The following RAPGEF4 variants were observed in gnomAD, a reference collection of about 807,000 sequenced individuals.
The protein encoded by RAPGEF4 is Rap guanine nucleotide exchange factor 4.
A neutral mutation model predicts 147.9 loss-of-function variants in RAPGEF4; 66 were observed. The observed-to-expected ratio is 0.45, with a 90% CI of 0.37 to 0.55. RAPGEF4 has a LOEUF of 0.55. Ranked by LOEUF, RAPGEF4 falls within the 20% of genes least tolerant of loss-of-function variation. RAPGEF4 has a pLI of 0.00. For synonymous variants in RAPGEF4, 419 were observed against 442.7 expected, an observed-to-expected ratio of 0.95 and a Z score of 0.67; for missense variants, 1,071 against 1,257.3, an observed-to-expected ratio of 0.85 and a Z score of 2.24.
chr2:172,971,098 A>G (rs201749354), intron 10 of RAPGEF4, among the ~76,000 whole-genome samples: 1 of 151,972 alleles, frequency 6.6e-6, no homozygotes, highest in African/African-American at 2.4e-5. Flanking sequence ...ACCAGTAGAA[A>G]TGTGCATTTT....
intron 29 of RAPGEF4, among the ~76,000 whole-genome samples, chr2:173,044,743 C>T (rs952442055): frequency 2.0e-5 from 3 of 152,294 alleles, no homozygotes; most frequent in East Asian, 1.9e-4. Context: ...GGATCCGGAG[C>T]GCCTTCTAAA....
At chr2:172,920,521 T>C (rs1684635278) in intron 5 of RAPGEF4, among the ~76,000 whole-genome samples, 1 of 152,140 alleles carries the variant, frequency 6.6e-6, no homozygotes, top group South Asian at 2.1e-4. Flanking sequence ...CCTTCCCTCC[T>C]TTCTCCTGAT....
chr2:172,863,199 A>C (rs1433919035), intron 4 of RAPGEF4, among the ~76,000 whole-genome samples: 1 of 152,220 alleles, frequency 6.6e-6, no homozygotes, highest in African/African-American at 2.4e-5. Context: ...GTTCTCTAAA[A>C]ATCAAAAAGC....
At chr2:172,974,970 C>T (rs1333899003) in intron 10 of RAPGEF4, among the ~76,000 whole-genome samples, 1 of 152,162 alleles carries the variant, frequency 6.6e-6, no homozygotes, top group Non-Finnish European at 1.5e-5. Context: ...TAAAGTTTTA[C>T]AATCCATTGT....
intron 16 of RAPGEF4, among the ~76,000 whole-genome samples, chr2:172,997,744 A>G (rs1433773542): frequency 6.6e-6 from 1 of 152,200 alleles, no homozygotes; most frequent in Non-Finnish European, 1.5e-5. Flanking sequence ...TTTCTCACTA[A>G]AAGAAGTTCA....
At chr2:172,828,034 C>T (rs1689868194) in intron 4 of RAPGEF4, among the ~76,000 whole-genome samples, 1 of 152,040 alleles carries the variant, frequency 6.6e-6, no homozygotes, top group South Asian at 2.1e-4. Context: ...AAGCATTAGT[C>T]AAGCATTCAC....
At chr2:172,982,309 A>G (rs1691766245) in intron 10 of RAPGEF4, among the ~76,000 whole-genome samples, 1 of 151,840 alleles carries the variant, frequency 6.6e-6, no homozygotes, top group Admixed American at 6.6e-5. Flanking sequence ...AATTGTTAAA[A>G]TTTTAGGACA....
At chr2:172,986,023 C>A (rs1374060049) in intron 12 of RAPGEF4, among the ~76,000 whole-genome samples, 1 of 152,152 alleles carries the variant, frequency 6.6e-6, no homozygotes. Flanking sequence ...ATCCAAGTTG[C>A]AGTTTAGTTC....
intron 4 of RAPGEF4, among the ~76,000 whole-genome samples, chr2:172,851,659 C>T (rs552386566): frequency 2.0e-5 from 3 of 152,264 alleles, no homozygotes; most frequent in South Asian, 4.1e-4. Flanking sequence ...ATGGTTGGAA[C>T]TGGAGGTCAT....
At chr2:172,773,668 CA>C (rs1465678346) in intron 1 of RAPGEF4, among the ~76,000 whole-genome samples, 1 of 151,786 alleles carries the variant, frequency 6.6e-6, no homozygotes, top group Non-Finnish European at 1.5e-5. Context: ...CCATCCTACC[CA>C]ACAGCCTAAA....
intron 4 of RAPGEF4, among the ~76,000 whole-genome samples, chr2:172,834,717 A>G (rs1303923547): frequency 2.6e-5 from 4 of 152,218 alleles, no homozygotes; most frequent in Non-Finnish European, 4.4e-5. Context: ...AATCTGAACC[A>G]AACAAATGAC....
chr2:172,793,520 G>A (rs1686035114), intron 1 of RAPGEF4, among the ~76,000 whole-genome samples: 1 of 152,110 alleles, frequency 6.6e-6, no homozygotes, highest in Non-Finnish European at 1.5e-5. Context: ...ATGGCTATTT[G>A]GTGAACATTA....
At chr2:172,837,569 A>G (rs1367109983) in intron 4 of RAPGEF4, among the ~76,000 whole-genome samples, 1 of 152,212 alleles carries the variant, frequency 6.6e-6, no homozygotes, top group Non-Finnish European at 1.5e-5. Context: ...AATGGAGTGT[A>G]TGTTATAATA....
chr2:172,834,398 C>G (rs182565474), intron 4 of RAPGEF4, among the ~76,000 whole-genome samples: 29 of 152,194 alleles, frequency 1.9e-4, no homozygotes, highest in East Asian at 1.9e-4. Context: ...AAGGAGTGTC[C>G]AAGATGGGGT....
At chr2:172,826,880 C>T (rs903967760) in intron 4 of RAPGEF4, among the ~76,000 whole-genome samples, 7 of 151,694 alleles carry the variant, frequency 4.6e-5, no homozygotes, top group African/African-American at 1.2e-4. Flanking sequence ...GGGAGGATCA[C>T]GTAAGCCCTG....
In RAPGEF4 at chr2:172,941,066, T is replaced by C. The variant is rs1350380729; in HGVS notation, c.537+18766T>C. Among the ~76,000 whole-genome samples, 3 of 152,198 alleles carry C rather than the reference T, an allele frequency of 2.0e-5. No individual in the cohort carries two copies. In the East Asian group the frequency reaches 5.8e-4, roughly 29 times the overall value. On this transcript the variant is annotated intron_variant, in intron 6 of 30. Transcript: ENST00000397081. ...AACAATTGGTATTTTGTACATGACC[T>C]TGTATCCTATGACCTTATACTTACA... is the stretch of plus-strand genomic sequence containing the variant.
intron 10 of RAPGEF4, among the ~76,000 whole-genome samples, chr2:172,981,818 A>G (rs1691709745): frequency 6.6e-6 from 1 of 152,232 alleles, no homozygotes; most frequent in African/African-American, 2.4e-5. Context: ...CTATTTTAGA[A>G]TATTCATAAT....
At chr2:172,797,357 A>G (rs1481263034) in intron 2 of RAPGEF4, among the ~76,000 whole-genome samples, 168 bp from the exon 3 acceptor site, 2 of 152,228 alleles carry the variant, frequency 1.3e-5, no homozygotes, top group Non-Finnish European at 2.9e-5. Flanking sequence ...AGCTTTGTTG[A>G]CAGATGAGGT....
At position 173,042,374 on chromosome 2, in the gene RAPGEF4, C is replaced by T. The variant is rs191637188; in HGVS notation, c.2853+5682C>T. 2.6e-5 allele frequency among the ~76,000 whole-genome samples: 4 copies of T among 152,330 alleles called. No individual in the cohort carries two copies. Among genetic ancestry groups the T allele is most frequent in the African/African-American group, 9.6e-5 (4 of 41,574 alleles). On this transcript the variant is annotated intron_variant, in intron 29 of 30. Coordinates refer to ENST00000397081, the MANE Select transcript of RAPGEF4 (RefSeq NM_007023.4). The surrounding 1 kb of genome is among the most constrained non-coding windows in gnomAD (Gnocchi z 4.2). ...ATCAACTGGGCACAGTGGCTCACGC[C>T]TGTAATCCCAGCACTTTGGGAGACT...
Sources: gnomAD v4.1 joint callset for allele counts (sites outside exome capture counted in the v4.1 genomes callset) on GRCh38, gnomAD v4.1.1 for gene constraint, Gnocchi (gnomAD v3.1) non-coding constraint, MANE v1.5 for transcripts, NCBI Gene and HGNC (gene_info 2026-07-23, HGNC 2026-07-21) for gene names.